ANXA8: variants seen among roughly 807,000 people sequenced by gnomAD.
ANXA8 encodes VAC-beta.
Under a neutral mutation model 26.8 loss-of-function variants are expected in ANXA8, and 9 were observed. The ratio of observed to expected loss-of-function variants is 0.34; its 90% CI spans 0.20 to 0.59. The LOEUF (loss-of-function observed/expected upper bound fraction) is 0.59. ANXA8 is among the 20% of genes least tolerant of loss of function. The pLI is 0.84. For missense variants in ANXA8, 83 were observed against 238.5 expected (o/e 0.35, Z 4.29); for synonymous variants, 39 against 94.8 (o/e 0.41, Z 3.42).
the ANXA8 span, among the ~76,000 whole-genome samples, chr10:47,645,048 G>A: frequency 8.6e-5 from 13 of 151,742 alleles, no homozygotes; most frequent in South Asian, 8.3e-4. Flanking sequence ...CCTGATATCT[G>A]TCTTTCTTAA....
chr10:47,942,216 C>T, the ANXA8 span, among the ~76,000 whole-genome samples: 2 of 146,036 alleles, frequency 1.4e-5, no homozygotes, highest in Non-Finnish European at 3.0e-5. Flanking sequence ...AAAAGCCTGT[C>T]CAGGAAGCTT....
At chr10:47,673,643 A>T in the ANXA8 span, among the ~76,000 whole-genome samples, 1 of 151,832 alleles carries the variant, frequency 6.6e-6, no homozygotes, top group Admixed American at 6.6e-5. Context: ...GCAGAGATAG[A>T]GTTCCTACAG....
At chr10:47,633,703 T>C in the ANXA8 span, among the ~76,000 whole-genome samples, 4 of 140,190 alleles carry the variant, frequency 2.9e-5, no homozygotes, top group African/African-American at 1.2e-4. Flanking sequence ...CAACTACAAA[T>C]GGCCCCTCAG....
At chr10:47,643,569 T>C in the ANXA8 span, among the ~76,000 whole-genome samples, 1 of 148,496 alleles carries the variant, frequency 6.7e-6, no homozygotes, top group Admixed American at 6.6e-5. Context: ...TAAAACTTTT[T>C]AAAAAGTCAT....
chr10:47,495,842 G>C, the ANXA8 span, among the ~76,000 whole-genome samples: 2 of 151,314 alleles, frequency 1.3e-5, no homozygotes, highest in African/African-American at 4.9e-5. Context: ...GGCAACCCAG[G>C]GGGGAATCTT....
the ANXA8 span, among the ~76,000 whole-genome samples, chr10:47,775,994 G>C: frequency 6.6e-6 from 1 of 151,882 alleles, no homozygotes; most frequent in African/African-American, 2.4e-5. Flanking sequence ...ATGTGAAGAC[G>C]TGCCACTAGG....
chr10:47,551,911 A>G, the ANXA8 span: 11 of 1,174,754 alleles, frequency 9.4e-6, no homozygotes, highest in Non-Finnish European at 1.1e-5. Flanking sequence ...TCTGGTCCTT[A>G]GTCTCCATAG....
At chr10:47,553,138 C>T in the ANXA8 span, among the ~76,000 whole-genome samples, 1 of 152,146 alleles carries the variant, frequency 6.6e-6, no homozygotes, top group African/African-American at 2.4e-5. Flanking sequence ...TACTGCCGAA[C>T]TTGTACTGTT....
chr10:47,562,144 G>C, the ANXA8 span, among the ~76,000 whole-genome samples: 1 of 151,774 alleles, frequency 6.6e-6, no homozygotes, highest in Admixed American at 6.6e-5. Flanking sequence ...AGTATGTTCA[G>C]CTTAGAATAT....
the ANXA8 span, among the ~76,000 whole-genome samples, chr10:47,581,032 C>T: frequency 2.5e-4 from 37 of 150,356 alleles, 1 homozygote; most frequent in African/African-American, 3.8e-4. Context: ...GGCGAGATCA[C>T]GCCGCTGCAC....
chr10:47,509,937 C>T, the ANXA8 span, among the ~76,000 whole-genome samples: 3 of 141,938 alleles, frequency 2.1e-5, 1 homozygote, highest in African/African-American at 7.7e-5. Context: ...TGTCTAAAGG[C>T]ATAAAGACAT....
At chr10:47,680,639 A>G in the ANXA8 span, among the ~76,000 whole-genome samples, 1 of 152,116 alleles carries the variant, frequency 6.6e-6, no homozygotes. Context: ...CATCTCAAAA[A>G]AAAAAAAATC....
chr10:47,701,089 A>G, the ANXA8 span, among the ~76,000 whole-genome samples: 4 of 149,894 alleles, frequency 2.7e-5, no homozygotes, highest in Admixed American at 6.7e-5. Flanking sequence ...AGAGATGAAC[A>G]GTCAATTTTC....
At chr10:47,666,704 T>C in the ANXA8 span, among the ~76,000 whole-genome samples, 3 of 151,536 alleles carry the variant, frequency 2.0e-5, no homozygotes, top group East Asian at 5.8e-4. Context: ...TCCATACTTT[T>C]TAATCTTAAT....
the ANXA8 span, among the ~76,000 whole-genome samples, chr10:47,739,963 C>T: frequency 1.6e-5 from 1 of 62,296 alleles, no homozygotes; most frequent in African/African-American, 5.2e-5. Flanking sequence ...AAAAATTAGC[C>T]AGGCATGGTG....
chr10:47,969,070 C>T, the ANXA8 span, among the ~76,000 whole-genome samples: 194 of 149,258 alleles, frequency 1.3e-3, 8 homozygotes, highest in East Asian at 0.036. Flanking sequence ...CCTCCAGGCC[C>T]CTGACACGTG....
the ANXA8 span, among the ~76,000 whole-genome samples, chr10:47,489,870 C>A: frequency 6.8e-6 from 1 of 146,118 alleles, no homozygotes; most frequent in Non-Finnish European, 1.5e-5. Context: ...TGGGGTGCCA[C>A]CCCCAGCCAG....
chr10:47,746,665 T>G, the ANXA8 span, among the ~76,000 whole-genome samples: 3 of 130,248 alleles, frequency 2.3e-5, no homozygotes, highest in Non-Finnish European at 3.3e-5. Flanking sequence ...GCAACAAGAG[T>G]GAAACCCTAA....
chr10:47,502,352 G>C, the ANXA8 span: 1 of 1,607,460 alleles, frequency 6.2e-7, no homozygotes, highest in Non-Finnish European at 8.5e-7. Context: ...GTGGTGGCCC[G>C]CAGCAGCTGC....
Sources: gnomAD v4.1 joint callset for allele counts (sites outside exome capture counted in the v4.1 genomes callset) on GRCh38, gnomAD v4.1.1 for gene constraint, MANE v1.5 for transcripts, NCBI Gene and HGNC (gene_info 2026-07-23, HGNC 2026-07-21) for gene names.